The following IGSF11 variants were observed in gnomAD, a reference collection of about 807,000 sequenced individuals.
IGSF11 encodes the protein CXADR like 1.
Under a neutral mutation model 41.0 loss-of-function variants are expected in IGSF11, and 22 were observed. The observed-to-expected ratio is 0.54, with a 90% CI of 0.38 to 0.77. The LOEUF (loss-of-function observed/expected upper bound fraction) is 0.77. IGSF11 is among the 30% of genes least tolerant of loss of function. The pLI, the probability that IGSF11 is intolerant of heterozygous loss-of-function variation, is 0.00. For synonymous variants in IGSF11, 219 were observed against 201.3 expected, an observed-to-expected ratio of 1.09 and a Z score of -0.74; for missense variants, 444 against 530.8, an observed-to-expected ratio of 0.84 and a Z score of 1.61.
intron 1 of IGSF11, among the ~76,000 whole-genome samples, chr3:119,050,026 G>C (rs1481508708): frequency 1.3e-4 from 19 of 147,154 alleles, no homozygotes; most frequent in African/African-American, 4.6e-4. Context: ...TTAAACGTTA[G>C]ACCTAAAACC....
chr3:119,009,129 C>T (rs527648327), intron 1 of IGSF11, among the ~76,000 whole-genome samples: 22 of 152,160 alleles, frequency 1.4e-4, no homozygotes, highest in Non-Finnish European at 2.4e-4. Context: ...TGAAAAAGTA[C>T]ACATTCTTTA....
At chr3:118,910,019 C>A (rs868254544) in intron 4 of IGSF11, among the ~76,000 whole-genome samples, 4 of 152,292 alleles carry the variant, frequency 2.6e-5, no homozygotes, top group Middle Eastern at 3.4e-3. Context: ...AAGGCCATGA[C>A]CACACACTTA....
At chr3:119,121,804 G>C (rs2077336995) in intron 1 of IGSF11, among the ~76,000 whole-genome samples, 1 of 151,930 alleles carries the variant, frequency 6.6e-6, no homozygotes, top group Admixed American at 6.6e-5. Context: ...GAATCCTGAA[G>C]GTGGCAAGAG....
intron 1 of IGSF11, among the ~76,000 whole-genome samples, chr3:119,129,097 G>A (rs2077442353): frequency 1.3e-5 from 2 of 152,150 alleles, no homozygotes; most frequent in Non-Finnish European, 2.9e-5. Context: ...ACTCGTAAGT[G>A]GGAGGTGAAC....
intron 1 of IGSF11, among the ~76,000 whole-genome samples, chr3:119,029,428 T>C (rs907860542): frequency 1.3e-5 from 2 of 152,214 alleles, no homozygotes; most frequent in Admixed American, 1.3e-4. Flanking sequence ...TCAGCTTCTA[T>C]GGTGATTTCT....
At chr3:118,978,523 T>C (rs1934368952) in intron 1 of IGSF11, among the ~76,000 whole-genome samples, 1 of 152,170 alleles carries the variant, frequency 6.6e-6, no homozygotes, top group Non-Finnish European at 1.5e-5. Flanking sequence ...TACCAATGTA[T>C]GCCACCTTGG....
chr3:119,070,036 G>A (rs529876965), intron 1 of IGSF11, among the ~76,000 whole-genome samples: 17 of 152,146 alleles, frequency 1.1e-4, no homozygotes, highest in Non-Finnish European at 2.1e-4. Context: ...AATATATTCC[G>A]TTTAAAAGGA....
At chr3:119,008,899 G>C (rs772831678) in intron 1 of IGSF11, among the ~76,000 whole-genome samples, 6 of 152,194 alleles carry the variant, frequency 3.9e-5, no homozygotes, top group Non-Finnish European at 7.3e-5. Context: ...AAAAGCAAGA[G>C]AGAATTCTCC....
At chr3:118,946,842 T>C (rs1944182236) in intron 1 of IGSF11, among the ~76,000 whole-genome samples, 1 of 152,240 alleles carries the variant, frequency 6.6e-6, no homozygotes, top group Non-Finnish European at 1.5e-5. Context: ...CCGGGCGCAG[T>C]GGCTCACGCC....
intron 1 of IGSF11, among the ~76,000 whole-genome samples, chr3:119,057,568 A>G (rs1233571380): frequency 1.3e-5 from 2 of 152,342 alleles, no homozygotes; most frequent in Non-Finnish European, 2.9e-5. Flanking sequence ...TATAGATTCA[A>G]TGCCATCCCC....
chr3:118,930,348 C>A, intron 1 of IGSF11, 73 bp from the exon 2 acceptor site: 2 of 1,425,986 alleles, frequency 1.4e-6, no homozygotes, highest in Non-Finnish European at 1.9e-6. Context: ...GGAAGGTTTG[C>A]GTGTTTTATG....
At chr3:119,110,348 C>T (rs2077127846) in intron 1 of IGSF11, among the ~76,000 whole-genome samples, 1 of 151,928 alleles carries the variant, frequency 6.6e-6, no homozygotes, top group Admixed American at 6.6e-5. Context: ...TATGTAATGG[C>T]CTTCTTTGTC....
intron 1 of IGSF11, among the ~76,000 whole-genome samples, chr3:119,117,867 G>A (rs1001715274): frequency 3.9e-5 from 6 of 152,190 alleles, no homozygotes; most frequent in Non-Finnish European, 8.8e-5. Flanking sequence ...GGGGCTATAG[G>A]CCCTATGTAA....
chr3:119,135,427 G>T (rs2077546754), intron 1 of IGSF11, among the ~76,000 whole-genome samples: 1 of 152,158 alleles, frequency 6.6e-6, no homozygotes. Context: ...CTTCGCAAAA[G>T]AAGACATTTA....
At chr3:119,108,798 AG>A (rs1368107697), upstream of IGSF11, among the ~76,000 whole-genome samples, 1 of 145,460 alleles carries the variant, frequency 6.9e-6, no homozygotes. Flanking sequence ...TTTAGCATGA[AG>A]GGTTGTTGAA....
intron 1 of IGSF11, among the ~76,000 whole-genome samples, chr3:119,112,426 C>A (rs1438600250): frequency 1.3e-5 from 2 of 152,250 alleles, no homozygotes; most frequent in South Asian, 2.1e-4. Context: ...TCCTGGTGTG[C>A]CGTTTCCTAA....
intron 1 of IGSF11, among the ~76,000 whole-genome samples, chr3:119,012,055 G>A (rs1018641623): frequency 2.0e-5 from 3 of 152,092 alleles, no homozygotes; most frequent in South Asian, 2.1e-4. Context: ...GCGTGAGTGC[G>A]AGAGCACTAG....
rs1320822368 is a variant in IGSF11, at chr3:119,050,046, C to A, written c.49+55098G>T. The stretch of plus-strand genomic sequence containing the variant: ...CGTTAGACCTAAAACCATAAAAACC[C>A]TAGAAGAAAACCTAGGCATTACCAT... On this transcript the variant is annotated intron_variant, in intron 1 of 6. Coordinates refer to the IGSF11 transcript ENST00000354673. 3.4e-4 allele frequency among the ~76,000 whole-genome samples: 50 copies of A among 147,942 alleles called. 2 individuals are homozygous for A. Among genetic ancestry groups the A allele is most frequent in the South Asian group, 2.0e-3 (9 of 4,440 alleles).
intron 1 of IGSF11, among the ~76,000 whole-genome samples, chr3:119,123,228 T>C (rs561909167): frequency 8.5e-5 from 13 of 152,148 alleles, no homozygotes; most frequent in Non-Finnish European, 1.8e-4. Context: ...CGTGGGCCTG[T>C]GGTGGTAGCG....
Sources: allele counts gnomAD v4.1 joint callset (sites outside exome capture counted in the v4.1 genomes callset), GRCh38; gene constraint gnomAD v4.1.1; transcripts MANE v1.5; gene names NCBI Gene and HGNC (gene_info 2026-07-23, HGNC 2026-07-21).